The following EBAG9 variants were observed in gnomAD, a reference collection of about 807,000 sequenced individuals.
The protein encoded by EBAG9 is receptor-binding cancer antigen expressed on SiSo cells.
Under a neutral mutation model 30.9 loss-of-function variants are expected in EBAG9, and 16 were observed. The ratio of observed to expected loss-of-function variants is 0.52; its 90% CI spans 0.35 to 0.79. The LOEUF (loss-of-function observed/expected upper bound fraction) is 0.79, where lower values mean the gene tolerates loss of function less well. Ranked by LOEUF, EBAG9 falls within the 30% of genes least tolerant of loss-of-function variation. The probability of loss-of-function intolerance (pLI) is 0.01; values close to 1 mark genes in which losing one functional copy is unlikely to be tolerated. For synonymous variants in EBAG9, 93 were observed against 82.8 expected (o/e 1.12, Z -0.67); for missense variants, 197 against 242.1 (o/e 0.81, Z 1.24).
At chr8:109,553,765 AAG>A in intron 2 of EBAG9, 98 bp from the exon 3 acceptor site, 3 of 865,222 alleles carry the variant, frequency 3.5e-6, no homozygotes, top group Non-Finnish European at 3.5e-6. Flanking sequence ...AAAATTGAGA[AAG>A]ATCTTGTTTT....
At chr8:109,554,978 C>A in intron 4 of EBAG9, 91 bp downstream of exon 4, 2 of 1,330,952 alleles carry the variant, frequency 1.5e-6, no homozygotes, top group East Asian at 2.4e-5. Context: ...TATTAGAAAG[C>A]CTATTTCTTT....
intron 2 of EBAG9, 35 bp from the exon 3 acceptor site, chr8:109,553,830 G>A (rs752323333): frequency 1.3e-6 from 2 of 1,544,576 alleles, no homozygotes; most frequent in East Asian, 2.3e-5. Flanking sequence ...TTGTTTTGGT[G>A]GTTCTTGAAA....
chr8:109,555,636 G>A (rs1349530814), intron 4 of EBAG9, among the ~76,000 whole-genome samples: 1 of 152,078 alleles, frequency 6.6e-6, no homozygotes, highest in African/African-American at 2.4e-5. Flanking sequence ...AGAGTTTATT[G>A]TTTGTAACCA....
intron 2 of EBAG9, 112 bp from the exon 3 acceptor site, chr8:109,553,753 A>G (rs956859238): frequency 2.5e-6 from 2 of 802,840 alleles, no homozygotes; most frequent in Admixed American, 3.4e-5. Flanking sequence ...ATCAATAATC[A>G]TAAAATTGAG....
At chr8:109,546,314 G>C (rs1821382743) in intron 1 of EBAG9, among the ~76,000 whole-genome samples, 1 of 152,118 alleles carries the variant, frequency 6.6e-6, no homozygotes, top group Non-Finnish European at 1.5e-5. Flanking sequence ...GCAATAAACT[G>C]TATATAATTA....
intron 6 of EBAG9, among the ~76,000 whole-genome samples, chr8:109,562,598 C>A (rs1400686432): frequency 6.6e-6 from 1 of 151,786 alleles, no homozygotes; most frequent in Non-Finnish European, 1.5e-5. Context: ...AATGAAGATT[C>A]TGGTACTTTA....
rs771509590 is a variant in EBAG9 at position 109,553,931 on chromosome 8, A to G, written c.150A>G (p.Ser50=). 8.7e-6 allele frequency: 14 copies of G among 1,608,724 alleles called. No homozygotes were observed. The highest frequency in any genetic ancestry group is 4.5e-5 in the East Asian group (2 of 44,632). The change falls in exon 3 of 7, where the codon TCA becomes TCG. Residue 50 remains serine, a synonymous_variant. Transcript: ENST00000337573. ...TGCCAACTACAGTTGATTATTCATC[A>G]GTTCCTAAGCAGGTAGGTTTTTTTT... is the stretch of plus-strand genomic sequence containing the variant. ...ITLPTTVDYS[S]VPKQTDVEEW... is the part of the protein sequence containing the mutation.
At chr8:109,563,637 T>C (rs904393737) in intron 6 of EBAG9, 2 of 1,261,484 alleles carry the variant, frequency 1.6e-6, no homozygotes, top group Non-Finnish European at 2.1e-6. Context: ...GCAGGTTTGT[T>C]ACACAGGTAA....
At chr8:109,550,996 G>T (rs901710276) in intron 2 of EBAG9, 89 bp downstream of exon 2, 1 of 791,910 alleles carries the variant, frequency 1.3e-6, no homozygotes, top group South Asian at 1.7e-5. Flanking sequence ...GACAGGACAG[G>T]TTATATTTAA....
chr8:109,548,887 CT>C lies in EBAG9; in HGVS notation c.-15-1906del, dbSNP rs548152043. ...TTTCTTTTCTATTTTTTTCTTTTTT[CT>C]TTTTTTTTTTTTTTTTGCTGGATTG... is the stretch of plus-strand genomic sequence containing the variant. On this transcript the variant is annotated intron_variant, in intron 1 of 6. Transcript: ENST00000337573. 4.1e-3 allele frequency among the ~76,000 whole-genome samples: 511 copies of C among 125,086 alleles called. 1 individual carries two copies. The highest frequency in any genetic ancestry group is 0.012 in the South Asian group (47 of 3,936). The allele number at this position is 125,086 out of a possible 152,430, so 82.1% of individuals were successfully genotyped here.
intron 6 of EBAG9, chr8:109,563,499 T>G: frequency 6.3e-7 from 1 of 1,597,382 alleles, no homozygotes; most frequent in Non-Finnish European, 8.5e-7. Context: ...AGAGAGTGAG[T>G]CTGGGTCAGT....
intron 1 of EBAG9, among the ~76,000 whole-genome samples, chr8:109,542,860 G>C (rs953430134): frequency 3.3e-5 from 5 of 152,012 alleles, no homozygotes; most frequent in African/African-American, 1.2e-4. Flanking sequence ...AAAAAATGTT[G>C]TTTCTTGGGA....
intron 2 of EBAG9, among the ~76,000 whole-genome samples, chr8:109,552,190 G>C (rs1354746053): frequency 1.3e-5 from 2 of 151,874 alleles, no homozygotes; most frequent in African/African-American, 4.8e-5. Flanking sequence ...AGGAACTGCA[G>C]TCTCTGGCTA....
intron 6 of EBAG9, chr8:109,563,308 T>A (rs774972298): frequency 4.9e-5 from 71 of 1,436,976 alleles, no homozygotes; most frequent in Non-Finnish European, 6.3e-5. Context: ...TATAACCTAA[T>A]GTTGCCTATT....
intron 3 of EBAG9, 102 bp from the exon 4 acceptor site, chr8:109,554,627 G>C: frequency 8.2e-7 from 1 of 1,224,360 alleles, no homozygotes; most frequent in Non-Finnish European, 1.1e-6. Context: ...AAAAAAGTTT[G>C]AAAACCAGTG....
chr8:109,554,309 G>A (rs544893588), intron 3 of EBAG9, among the ~76,000 whole-genome samples: 1 of 152,198 alleles, frequency 6.6e-6, no homozygotes, highest in South Asian at 2.1e-4. Context: ...ATTCTGGGTT[G>A]TTTCATGAAC....
At chr8:109,547,322 G>A (rs1032035838) in intron 1 of EBAG9, among the ~76,000 whole-genome samples, 2 of 152,124 alleles carry the variant, frequency 1.3e-5, no homozygotes, top group African/African-American at 4.8e-5. Context: ...GAGCGTGCCA[G>A]TTGTTCCAAA....
chr8:109,560,770 C>CT (rs1163270911), intron 5 of EBAG9, 68 bp from the exon 6 acceptor site: 1 of 1,108,212 alleles, frequency 9.0e-7, no homozygotes, highest in Admixed American at 1.9e-5. Flanking sequence ...AAAAGATACT[C>CT]TTTTTAACGG....
At position 109,564,796 on chromosome 8, in the gene EBAG9, A is replaced by T. The variant is rs1424697881; in HGVS notation, c.*237A>T. 7 of 388,434 alleles carry T rather than the reference A, an allele frequency of 1.8e-5. No individual in the cohort carries two copies. Among genetic ancestry groups the T allele is most frequent in the Non-Finnish European group, 2.3e-5 (5 of 217,368 alleles). The allele number at this position is 388,434 out of a possible 1,614,324, so 24.1% of individuals were successfully genotyped here. ...CTTCAACATGCTCCAAATATAAGAC[A>T]TTTGTTTGCTGTACAGAAAGTATCA... On this transcript the variant is annotated 3_prime_UTR_variant, in exon 7 of 7. Coordinates refer to ENST00000337573, the MANE Select transcript of EBAG9 (RefSeq NM_004215.5).
Sources: gnomAD v4.1 joint callset for allele counts (sites outside exome capture counted in the v4.1 genomes callset) on GRCh38, gnomAD v4.1.1 for gene constraint, MANE v1.5 for transcripts, NCBI Gene and HGNC (gene_info 2026-07-23, HGNC 2026-07-21) for gene names.